Variants in RORA observed in about 807,000 individuals in gnomAD.
RORA encodes the protein RAR related orphan receptor A.
RORA carries 7 observed loss-of-function variants against 69.5 expected under a neutral mutation model. The ratio of observed to expected loss-of-function variants is 0.10; its 90% CI spans 0.06 to 0.19. The LOEUF is 0.19. RORA is among the 10% of genes least tolerant of loss of function. The pLI, the probability that RORA is intolerant of heterozygous loss-of-function variation, is 1.00. For missense variants in RORA, 457 were observed against 663.0 expected, an observed-to-expected ratio of 0.69 and a Z score of 3.41; for synonymous variants, 261 against 240.8, an observed-to-expected ratio of 1.08 and a Z score of -0.78.
At chr15:60,993,407 G>C (rs1894439785) in intron 1 of RORA, among the ~76,000 whole-genome samples, 1 of 152,022 alleles carries the variant, frequency 6.6e-6, no homozygotes, top group African/African-American at 2.4e-5. Context: ...GAGAGGCCAA[G>C]GTCGGTGGAT....
intron 1 of RORA, among the ~76,000 whole-genome samples, chr15:61,209,832 T>G (rs974168728): frequency 6.6e-6 from 1 of 152,256 alleles, no homozygotes; most frequent in African/African-American, 2.4e-5. Flanking sequence ...AGAAAATATT[T>G]AGCCTCCCTA....
chr15:61,158,439 A>G (rs2079464719), intron 1 of RORA, among the ~76,000 whole-genome samples: 2 of 152,144 alleles, frequency 1.3e-5, no homozygotes, highest in African/African-American at 4.8e-5. Context: ...TCCTCCTCCA[A>G]GCTGGCTAAT....
chr15:60,644,095 AGACTT>A (rs2069993523), intron 2 of RORA, among the ~76,000 whole-genome samples: 1 of 152,218 alleles, frequency 6.6e-6, no homozygotes, highest in Admixed American at 6.5e-5. Context: ...GCCTTGAAAA[AGACTT>A]GAGGAGGGGA....
chr15:61,085,231 G>T (rs979176125), intron 1 of RORA, among the ~76,000 whole-genome samples: 1 of 152,146 alleles, frequency 6.6e-6, no homozygotes, highest in Non-Finnish European at 1.5e-5. Flanking sequence ...GTCCCAAGTC[G>T]TCACTCTTTC....
intron 2 of RORA, among the ~76,000 whole-genome samples, chr15:60,550,920 CCTT>C (rs1200374280): frequency 6.6e-5 from 10 of 152,278 alleles, no homozygotes; most frequent in Non-Finnish European, 1.0e-4. Flanking sequence ...TTTTGCTGCT[CCTT>C]CTGCTAATTT....
intron 1 of RORA, among the ~76,000 whole-genome samples, chr15:61,097,982 G>C (rs969647349): frequency 6.6e-6 from 1 of 152,144 alleles, no homozygotes; most frequent in Middle Eastern, 3.2e-3. Flanking sequence ...TTTCTGCCTG[G>C]TATGTTGGGC....
intron 1 of RORA, among the ~76,000 whole-genome samples, chr15:61,097,270 T>C (rs2078804165): frequency 6.6e-6 from 1 of 152,188 alleles, no homozygotes; most frequent in South Asian, 2.1e-4. Context: ...TTCCAGCACA[T>C]TGGGCTGGTT....
At position 61,012,125 on chromosome 15, in the gene RORA, T is replaced by C. The variant is rs892168531; in HGVS notation, c.166+216928A>G. ...TGTGCCCTCTCTCCAATATTTACTGTGAGGCTCTGTGCCTCAGTTTTCCTA... is the reference window on the plus strand; with the variant it reads ...TGTGCCCTCTCTCCAATATTTACTGCGAGGCTCTGTGCCTCAGTTTTCCTA... On this transcript the variant is annotated intron_variant, in intron 1 of 10. Coordinates refer to ENST00000335670, the MANE Select transcript of RORA (RefSeq NM_134261.3). Among the ~76,000 whole-genome samples the C allele has an allele frequency of 3.3e-5, 5 of 152,242 alleles. No homozygotes were observed. In the South Asian group the frequency reaches 8.3e-4, roughly 25 times the overall value.
Position 61,177,554 on chromosome 15 carries a change from G to A in RORA, c.166+51499C>T, listed in dbSNP as rs565648444. On this transcript the variant is annotated intron_variant, in intron 1 of 10. Transcript: ENST00000335670. ...CCCAGCTTCCATCACATAACTGTTC[G>A]TGCGTTTTAATGGACATTTGAGTGT... Among the ~76,000 whole-genome samples, 7 of 152,232 alleles carry A rather than the reference G, an allele frequency of 4.6e-5. No homozygotes were observed. The South Asian group carries it at 8.3e-4, about 18-fold the overall frequency.
chr15:61,114,029 G>A (rs1331057102), intron 1 of RORA, among the ~76,000 whole-genome samples: 1 of 152,070 alleles, frequency 6.6e-6, no homozygotes, highest in African/African-American at 2.4e-5. Flanking sequence ...AAATTCCTAC[G>A]CCAGCAATAT....
At chr15:61,026,638 C>T (rs1523523) in intron 1 of RORA, among the ~76,000 whole-genome samples, 133,123 of 152,176 alleles carry the variant, frequency 0.87, 58,626 homozygotes, top group East Asian at 0.96. Context: ...TTTGTGCCTT[C>T]ACCAATTCTA....
chr15:61,003,313 G>A (rs1264237539), intron 1 of RORA, among the ~76,000 whole-genome samples: 1 of 152,160 alleles, frequency 6.6e-6, no homozygotes, highest in African/African-American at 2.4e-5. Context: ...TTGAAGGACT[G>A]AAGAGACTAT....
At chr15:60,639,984 G>A (rs143300833) in intron 2 of RORA, among the ~76,000 whole-genome samples, 1 of 152,326 alleles carries the variant, frequency 6.6e-6, no homozygotes, top group East Asian at 1.9e-4. Context: ...AAACACTGTT[G>A]TATCGTGGAG....
At chr15:60,631,230 T>C (rs1657792) in intron 2 of RORA, among the ~76,000 whole-genome samples, 96,863 of 152,010 alleles carry the variant, frequency 0.64, 31,383 homozygotes, top group African/African-American at 0.75. Flanking sequence ...TTTCCCAATC[T>C]TAAGCAGCCC....
At chr15:60,648,889 A>AT (rs1426176278) in intron 2 of RORA, among the ~76,000 whole-genome samples, 4 of 152,116 alleles carry the variant, frequency 2.6e-5, no homozygotes, top group Non-Finnish European at 5.9e-5. Flanking sequence ...GGGCCAGGTA[A>AT]TTCCAACACT....
In RORA at chr15:60,637,009, T is replaced by C. The variant is rs921364665; in HGVS notation, c.196+41648A>G. Reference sequence around the variant, plus strand: ...AGGACATTCAGAGTGTTTAGAATTTTAGCCATTATAAATAGTATTAAATAA... The same window carrying C: ...AGGACATTCAGAGTGTTTAGAATTTCAGCCATTATAAATAGTATTAAATAA... On this transcript the variant is annotated intron_variant, in intron 2 of 10. Coordinates refer to ENST00000335670, the MANE Select transcript of RORA (RefSeq NM_134261.3). Among the ~76,000 whole-genome samples, 3 of 152,142 alleles carry C rather than the reference T, an allele frequency of 2.0e-5. No homozygotes were observed. In the East Asian group the frequency reaches 5.8e-4, roughly 29 times the overall value.
At chr15:61,035,071 T>A (rs1286113514) in intron 1 of RORA, among the ~76,000 whole-genome samples, 2 of 152,234 alleles carry the variant, frequency 1.3e-5, no homozygotes, top group Admixed American at 6.5e-5. Context: ...ATTAGCATTG[T>A]AGACTTTAAT....
chr15:60,536,220 C>CATATATATG (rs2066673452), intron 2 of RORA, among the ~76,000 whole-genome samples: 1 of 152,124 alleles, frequency 6.6e-6, no homozygotes, highest in South Asian at 2.1e-4. Context: ...AATGACATAC[C>CATATATATG]ATATATATGA....
At chr15:60,991,390 T>C (rs1478853226) in intron 1 of RORA, among the ~76,000 whole-genome samples, 2 of 152,164 alleles carry the variant, frequency 1.3e-5, no homozygotes, top group Non-Finnish European at 2.9e-5. Context: ...AAGGAGGTAA[T>C]AGGCTTCAGT....
Sources: allele counts gnomAD v4.1 joint callset (sites outside exome capture counted in the v4.1 genomes callset), GRCh38; gene constraint gnomAD v4.1.1; transcripts MANE v1.5; gene names NCBI Gene and HGNC (gene_info 2026-07-23, HGNC 2026-07-21).